Variants in ATF6 observed in about 807,000 individuals in gnomAD.
ATF6 encodes cyclic AMP-dependent transcription factor ATF-6 alpha.
In ATF6, 53 loss-of-function variants were observed where a neutral mutation model predicts 83.6. The ratio of observed to expected loss-of-function variants is 0.63; its 90% CI spans 0.51 to 0.80. ATF6 has a LOEUF of 0.80. ATF6 is among the 30% of genes least tolerant of loss of function. The probability of loss-of-function intolerance (pLI) is 0.00; values close to 1 mark genes in which losing one functional copy is unlikely to be tolerated. For synonymous variants in ATF6, 288 were observed against 285.8 expected, an observed-to-expected ratio of 1.01 and a Z score of -0.08; for missense variants, 744 against 797.9, an observed-to-expected ratio of 0.93 and a Z score of 0.81.
intron 14 of ATF6, among the ~76,000 whole-genome samples, chr1:161,899,561 G>T (rs1166380618): frequency 6.6e-6 from 1 of 152,042 alleles, no homozygotes; most frequent in East Asian, 1.9e-4. Flanking sequence ...TTTGATAAAT[G>T]ATTAAAAAGA....
At chr1:161,880,369 T>C (rs939620867) in intron 14 of ATF6, among the ~76,000 whole-genome samples, 4 of 152,042 alleles carry the variant, frequency 2.6e-5, no homozygotes, top group Non-Finnish European at 4.4e-5. Context: ...TATATACTTA[T>C]ATAGGTGAAA....
At chr1:161,823,078 T>C (rs897070777) in intron 9 of ATF6, among the ~76,000 whole-genome samples, 3 of 152,158 alleles carry the variant, frequency 2.0e-5, no homozygotes, top group Non-Finnish European at 4.4e-5. Context: ...GGAACCCCTT[T>C]GTACCCTTAA....
intron 6 of ATF6, among the ~76,000 whole-genome samples, chr1:161,795,114 A>G (rs998234021): frequency 6.6e-6 from 1 of 152,154 alleles, no homozygotes; most frequent in African/African-American, 2.4e-5. Context: ...GTCTATGTGA[A>G]TAATCACTAT....
intron 6 of ATF6, among the ~76,000 whole-genome samples, chr1:161,797,069 G>A (rs4579731): frequency 0.9 from 137,093 of 152,226 alleles, 61,919 homozygotes; most frequent in African/African-American, 0.97. Flanking sequence ...GCCTAAGCAT[G>A]TTTATATCTG....
At chr1:161,865,450 G>A (rs780713253) in intron 14 of ATF6, among the ~76,000 whole-genome samples, 2 of 152,100 alleles carry the variant, frequency 1.3e-5, no homozygotes, top group African/African-American at 4.8e-5. Context: ...GAGCCACCGC[G>A]CCCAACCAAT....
chr1:161,843,475 T>C (rs1245909470), intron 9 of ATF6, among the ~76,000 whole-genome samples: 4 of 152,162 alleles, frequency 2.6e-5, no homozygotes, highest in Admixed American at 2.6e-4. Context: ...TTCTGGGAAA[T>C]GTTGTCAACA....
intron 14 of ATF6, among the ~76,000 whole-genome samples, chr1:161,883,157 C>T (rs1687354078): frequency 6.6e-6 from 1 of 151,946 alleles, no homozygotes; most frequent in African/African-American, 2.4e-5. Context: ...ACACTACCAT[C>T]CATTATCTAA....
intron 14 of ATF6, among the ~76,000 whole-genome samples, chr1:161,867,730 T>C (rs1170522428): frequency 6.6e-6 from 1 of 152,246 alleles, no homozygotes; most frequent in Non-Finnish European, 1.5e-5. Flanking sequence ...CTGTTTTCAG[T>C]ACCTGTCTCA....
At chr1:161,890,369 T>A (rs1048108711) in intron 14 of ATF6, among the ~76,000 whole-genome samples, 1 of 152,244 alleles carries the variant, frequency 6.6e-6, no homozygotes, top group African/African-American at 2.4e-5. Context: ...CCAGGTTACC[T>A]GTAAAGGTGT....
At chr1:161,770,860 G>C (rs893069420) in intron 1 of ATF6, among the ~76,000 whole-genome samples, 1 of 152,182 alleles carries the variant, frequency 6.6e-6, no homozygotes, top group African/African-American at 2.4e-5. Context: ...ACAATTGCTG[G>C]ATTGTGTGGT....
chr1:161,843,958 A>G (rs1346172327), intron 9 of ATF6, among the ~76,000 whole-genome samples: 1 of 152,202 alleles, frequency 6.6e-6, no homozygotes, highest in African/African-American at 2.4e-5. Context: ...ACTCAGTTAC[A>G]CAAATTCAGA....
Position 161,851,801 on chromosome 1 carries a change from T to C in ATF6, c.1399T>C (p.Cys467Arg). The C allele has an allele frequency of 1.2e-6, 2 of 1,613,744 alleles. No individual in the cohort carries two copies. Among genetic ancestry groups the C allele is most frequent in the Non-Finnish European group, 1.7e-6 (2 of 1,179,700 alleles). ...ATTGCTTTACATTCCTCCACCTCCT[T>C]GTCAGCCCCTAATTAACACAACAGA... ...EPLLYIPPPP[C>R]QPLINTTESL... The change falls in exon 11 of 16, where the codon TGT (cysteine) becomes CGT (arginine). Residue 467 changes from cysteine (C) to arginine (R), a missense_variant. By Grantham distance (180) the Cys-to-Arg change is radical. Coordinates refer to ENST00000367942, the MANE Select transcript of ATF6 (RefSeq NM_007348.4).
chr1:161,876,509 A>G (rs1486462469), intron 14 of ATF6, among the ~76,000 whole-genome samples: 1 of 152,012 alleles, frequency 6.6e-6, no homozygotes, highest in African/African-American at 2.4e-5. Flanking sequence ...GATAAGCTGT[A>G]ATAGAATTTT....
chr1:161,933,110 G>T (rs1208517272), intron 15 of ATF6, among the ~76,000 whole-genome samples: 1 of 152,162 alleles, frequency 6.6e-6, no homozygotes, highest in Non-Finnish European at 1.5e-5. Context: ...ACTCTCTATA[G>T]AAGGGAAATA....
At chr1:161,792,083 T>C (rs995331333) in intron 5 of ATF6, 41 bp from the exon 6 acceptor site, 1 of 1,570,598 alleles carries the variant, frequency 6.4e-7, no homozygotes, top group African/African-American at 1.4e-5. Context: ...CTTGCGTAAT[T>C]GCTTTCACAT....
chr1:161,930,908 CT>C (rs970397056), intron 15 of ATF6, among the ~76,000 whole-genome samples: 1 of 150,688 alleles, frequency 6.6e-6, no homozygotes, highest in African/African-American at 2.4e-5. Context: ...TTTTTTTCCC[CT>C]GGGGACATAG....
At chr1:161,941,508 G>A (rs1318427510) in intron 15 of ATF6, among the ~76,000 whole-genome samples, 1 of 152,180 alleles carries the variant, frequency 6.6e-6, no homozygotes, top group Non-Finnish European at 1.5e-5. Flanking sequence ...AAGAAAGGTA[G>A]GTTCTCTTTA....
At chr1:161,884,330 T>G (rs1687376540) in intron 14 of ATF6, among the ~76,000 whole-genome samples, 1 of 152,130 alleles carries the variant, frequency 6.6e-6, no homozygotes, top group Non-Finnish European at 1.5e-5. Flanking sequence ...ACGGTAGTGA[T>G]AAATACAAAA....
At chr1:161,951,516 C>A (rs1688862331) in intron 15 of ATF6, among the ~76,000 whole-genome samples, 2 of 152,134 alleles carry the variant, frequency 1.3e-5, no homozygotes, top group African/African-American at 4.8e-5. Flanking sequence ...ACTGTGCTAG[C>A]TTTGGGCATG....
Sources: gnomAD v4.1 joint callset for allele counts (sites outside exome capture counted in the v4.1 genomes callset) on GRCh38, gnomAD v4.1.1 for gene constraint, MANE v1.5 for transcripts, NCBI Gene and HGNC (gene_info 2026-07-23, HGNC 2026-07-21) for gene names.